GRAMD1C: variants seen among roughly 807,000 people sequenced by gnomAD.
GRAMD1C encodes the protein GRAM domain containing 1C.
A neutral mutation model predicts 97.8 loss-of-function variants in GRAMD1C; 89 were observed. The ratio of observed to expected loss-of-function variants is 0.91; its 90% CI spans 0.77 to 1.09. GRAMD1C has a LOEUF of 1.09. Among genes scored for constraint, GRAMD1C ranks in the 50% least tolerant of loss-of-function variants. The probability of loss-of-function intolerance (pLI) is 0.00; values close to 1 mark genes in which losing one functional copy is unlikely to be tolerated. For missense variants in GRAMD1C, 740 were observed against 766.4 expected (o/e 0.97, Z 0.41); for synonymous variants, 256 against 267.0 (o/e 0.96, Z 0.40).
intron 6 of GRAMD1C, among the ~76,000 whole-genome samples, chr3:113,893,349 A>G (rs1935809605): frequency 6.7e-6 from 1 of 149,858 alleles, no homozygotes; most frequent in Non-Finnish European, 1.5e-5. Flanking sequence ...ATCTTAATAT[A>G]CCCTCTCATT....
Position 113,939,997 on chromosome 3 carries a change from G to A in GRAMD1C, c.1802+1G>A. The stretch of plus-strand genomic sequence containing the variant: ...GCCTCCAAGAAGAGAAATCTTTAAA[G>A]TAAGTCTTTTTCCCCCTGACCTGTA... On this transcript the variant is annotated splice_donor_variant, in intron 16 of 17. Transcript: ENST00000358160. LOFTEE classifies it high-confidence loss of function. The A allele has an allele frequency of 6.7e-7, 1 of 1,492,554 alleles. No individual in the cohort carries two copies. Among genetic ancestry groups the A allele is most frequent in the Non-Finnish European group, 9.4e-7 (1 of 1,069,172 alleles). The allele number at this position is 1,492,554 out of a possible 1,614,324, so 92.5% of individuals were successfully genotyped here.
At chr3:113,896,386 T>A (rs1269846457) in intron 6 of GRAMD1C, among the ~76,000 whole-genome samples, 1 of 152,208 alleles carries the variant, frequency 6.6e-6, no homozygotes, top group Non-Finnish European at 1.5e-5. Flanking sequence ...ATTTTCTCTT[T>A]GTGTGTTGGG....
intron 1 of GRAMD1C, among the ~76,000 whole-genome samples, chr3:113,842,627 T>G (rs978435924): frequency 3.3e-5 from 5 of 152,118 alleles, no homozygotes; most frequent in Non-Finnish European, 7.4e-5. Context: ...TCATTGTGAT[T>G]AGAGGCTTCC....
At chr3:113,872,255 TC>T (rs1934843072) in intron 3 of GRAMD1C, among the ~76,000 whole-genome samples, 1 of 152,114 alleles carries the variant, frequency 6.6e-6, no homozygotes, top group Non-Finnish European at 1.5e-5. Context: ...TCAGAAAATT[TC>T]TATATGTATT....
intron 6 of GRAMD1C, chr3:113,885,332 C>G: frequency 1.3e-6 from 2 of 1,589,610 alleles, no homozygotes; most frequent in Non-Finnish European, 1.7e-6. Context: ...GGACTGCGCA[C>G]GTTCGTGGCC....
intron 2 of GRAMD1C, among the ~76,000 whole-genome samples, chr3:113,857,882 A>T (rs1934211894): frequency 6.6e-6 from 1 of 152,128 alleles, no homozygotes; most frequent in Non-Finnish European, 1.5e-5. Flanking sequence ...CTTTTTATTT[A>T]TGGCTTAATT....
intron 7 of GRAMD1C, 104 bp from the exon 8 acceptor site, chr3:113,904,033 TTTA>T (rs1449326285): frequency 1.4e-6 from 1 of 736,634 alleles, no homozygotes; most frequent in African/African-American, 1.8e-5. Flanking sequence ...CAGTAGTCCA[TTTA>T]TTATCAAACT....
At chr3:113,850,710 G>A (rs7628746) in intron 2 of GRAMD1C, 823,525 of 1,546,058 alleles carry the variant, frequency 0.53, 222,811 homozygotes, top group East Asian at 0.67. Context: ...ATGGCAATCC[G>A]GTTCTTCTTA....
chr3:113,849,784 G>C (rs917981851), intron 2 of GRAMD1C, among the ~76,000 whole-genome samples: 1 of 152,120 alleles, frequency 6.6e-6, no homozygotes, highest in Non-Finnish European at 1.5e-5. Flanking sequence ...TGTCATGATG[G>C]CCCGTTCTCA....
At chr3:113,869,674 T>C in intron 3 of GRAMD1C, 83 bp downstream of exon 3, 1 of 692,396 alleles carries the variant, frequency 1.4e-6, no homozygotes, top group Non-Finnish European at 2.6e-6. Flanking sequence ...GTAATAAAAT[T>C]TAAGCCTTTA....
intron 2 of GRAMD1C, among the ~76,000 whole-genome samples, chr3:113,863,801 T>C (rs1256136840): frequency 6.6e-6 from 1 of 152,162 alleles, no homozygotes; most frequent in African/African-American, 2.4e-5. Context: ...CTCAGTGTTC[T>C]ACCCTTTTGG....
At chr3:113,887,177 G>C (rs1339659917) in intron 6 of GRAMD1C, among the ~76,000 whole-genome samples, 1 of 138,258 alleles carries the variant, frequency 7.2e-6, no homozygotes, top group Non-Finnish European at 1.5e-5. Context: ...GACAACCTCC[G>C]TCTCACAGGT....
chr3:113,844,642 G>A lies in GRAMD1C; in HGVS notation c.167G>A (p.Ser56Asn). 6.3e-7 allele frequency: 1 copy of A among 1,576,262 alleles called. No individual in the cohort carries two copies. The highest frequency in any genetic ancestry group is 1.2e-5 in the South Asian group (1 of 83,742). Residue 56 changes from serine to asparagine, a missense_variant, in exon 2 of 18, where the codon AGC becomes AAC. Transcript: ENST00000358160. Reference protein sequence around the residue: ...PNLHNWSGDWSFWISSSTYKD... With the variant: ...PNLHNWSGDWNFWISSSTYKD... ...TTACATAATTGGAGTGGTGACTGGAGCTTTTGGGTAATTTCTTTTTTTACG... is the reference window on the plus strand; with the variant it reads ...TTACATAATTGGAGTGGTGACTGGAACTTTTGGGTAATTTCTTTTTTTACG...
At chr3:113,843,926 C>T (rs1933491290) in intron 1 of GRAMD1C, among the ~76,000 whole-genome samples, 1 of 152,184 alleles carries the variant, frequency 6.6e-6, no homozygotes, top group Non-Finnish European at 1.5e-5. Context: ...TGTCTATCTT[C>T]TTTCCTACTG....
intron 2 of GRAMD1C, among the ~76,000 whole-genome samples, chr3:113,852,116 A>AT (rs199775678): frequency 0.019 from 2,925 of 151,072 alleles, 150 homozygotes; most frequent in Admixed American, 0.11. Context: ...AATAAAACTG[A>AT]TTTTTTTTTG....
At chr3:113,915,459 T>C (rs1936775322) in intron 9 of GRAMD1C, among the ~76,000 whole-genome samples, 1 of 152,192 alleles carries the variant, frequency 6.6e-6, no homozygotes, top group African/African-American at 2.4e-5. Context: ...AGTTGAAATA[T>C]TGATTATATG....
chr3:113,863,387 G>A (rs1934470825), intron 2 of GRAMD1C, among the ~76,000 whole-genome samples: 1 of 152,096 alleles, frequency 6.6e-6, no homozygotes, highest in Non-Finnish European at 1.5e-5. Flanking sequence ...GGGCTTTTGT[G>A]TCTGTTCCAT....
At chr3:113,908,549 G>A (rs960316307) in intron 8 of GRAMD1C, among the ~76,000 whole-genome samples, 15 of 152,054 alleles carry the variant, frequency 9.9e-5, no homozygotes, top group Non-Finnish European at 1.6e-4. Context: ...AGATGGGTGA[G>A]TTTTCTTCCT....
At chr3:113,879,595 C>G (rs996776691) in intron 5 of GRAMD1C, among the ~76,000 whole-genome samples, 1 of 152,048 alleles carries the variant, frequency 6.6e-6, no homozygotes. Flanking sequence ...TTTTTTCACC[C>G]CATTCTTGTT....
Sources: gnomAD v4.1 joint callset for allele counts (sites outside exome capture counted in the v4.1 genomes callset) on GRCh38, gnomAD v4.1.1 for gene constraint, MANE v1.5 for transcripts, NCBI Gene and HGNC (gene_info 2026-07-23, HGNC 2026-07-21) for gene names.